ANKS1B: variants seen among roughly 807,000 people sequenced by gnomAD.
ANKS1B encodes the protein ankyrin repeat and sterile alpha motif domain containing 1B.
ANKS1B carries 36 observed loss-of-function variants against 148.3 expected under a neutral mutation model. The ratio of observed to expected loss-of-function variants is 0.24; its 90% CI spans 0.19 to 0.32. The LOEUF (loss-of-function observed/expected upper bound fraction) is 0.32, where lower values mean the gene tolerates loss of function less well. Among genes scored for constraint, ANKS1B ranks in the 10% least tolerant of loss-of-function variants. ANKS1B has a pLI of 1.00. For missense variants in ANKS1B, 1,157 were observed against 1,542.6 expected, an observed-to-expected ratio of 0.75 and a Z score of 4.19; for synonymous variants, 542 against 560.8, an observed-to-expected ratio of 0.97 and a Z score of 0.47.
intron 1 of ANKS1B, among the ~76,000 whole-genome samples, chr12:99,930,458 ACTT>A (rs1177266022): frequency 6.6e-6 from 1 of 152,116 alleles, no homozygotes; most frequent in African/African-American, 2.4e-5. Flanking sequence ...GGACAATTTG[ACTT>A]CTTCTTTTCC....
At chr12:99,425,326 T>C (rs1001783669) in intron 11 of ANKS1B, among the ~76,000 whole-genome samples, 1 of 152,014 alleles carries the variant, frequency 6.6e-6, no homozygotes, top group South Asian at 2.1e-4. Flanking sequence ...ATATTTTTAA[T>C]ATTCTATCTT....
chr12:99,155,335 AT>A (rs1566500687), intron 14 of ANKS1B, among the ~76,000 whole-genome samples: 3 of 152,064 alleles, frequency 2.0e-5, no homozygotes, highest in Non-Finnish European at 4.4e-5. Flanking sequence ...CGAGATATAT[AT>A]TTTTTTCTTT....
At chr12:99,209,421 TGA>T (rs2083073377) in intron 14 of ANKS1B, among the ~76,000 whole-genome samples, 1 of 152,190 alleles carries the variant, frequency 6.6e-6, no homozygotes, top group South Asian at 2.1e-4. Context: ...AACTATTTTT[TGA>T]GTTTTTACTA....
chr12:99,348,823 C>T (rs1476396622), intron 12 of ANKS1B, among the ~76,000 whole-genome samples: 1 of 151,888 alleles, frequency 6.6e-6, no homozygotes, highest in Non-Finnish European at 1.5e-5. Flanking sequence ...CAAAAACACA[C>T]TAGACAACAA....
At chr12:99,674,785 A>T (rs1321143014) in intron 8 of ANKS1B, among the ~76,000 whole-genome samples, 2 of 151,790 alleles carry the variant, frequency 1.3e-5, no homozygotes, top group African/African-American at 4.8e-5. Context: ...TCATTTCATT[A>T]AAAAAATTAA....
intron 14 of ANKS1B, chr12:99,154,789 T>C: frequency 2.1e-6 from 3 of 1,451,166 alleles, no homozygotes; most frequent in Non-Finnish European, 1.8e-6. Flanking sequence ...CAGAATTCTT[T>C]TTTATCAAGT....
chr12:99,388,473 G>A (rs2093955048), intron 12 of ANKS1B, among the ~76,000 whole-genome samples: 1 of 152,160 alleles, frequency 6.6e-6, no homozygotes, highest in East Asian at 1.9e-4. Flanking sequence ...GTATTGATGG[G>A]AGAGGCACCT....
At chr12:99,351,934 G>A (rs1402783917) in intron 12 of ANKS1B, 1 of 151,950 alleles carries the variant, frequency 6.6e-6, no homozygotes, top group African/African-American at 2.4e-5. Flanking sequence ...ACTATTTAAA[G>A]GAAAGTTTAA....
At chr12:98,810,890 CG>C (rs1313273174) in intron 19 of ANKS1B, among the ~76,000 whole-genome samples, 1 of 152,136 alleles carries the variant, frequency 6.6e-6, no homozygotes, top group Non-Finnish European at 1.5e-5. Context: ...TTAAAAAGCC[CG>C]GGGTGGATAA....
At chr12:99,796,107 T>C (rs1291232573) in intron 4 of ANKS1B, among the ~76,000 whole-genome samples, 1 of 151,926 alleles carries the variant, frequency 6.6e-6, no homozygotes, top group Non-Finnish European at 1.5e-5. Context: ...TTAAGTAAAA[T>C]ATGGGTGACT....
At chr12:99,476,168 G>C (rs752882655) in intron 10 of ANKS1B, among the ~76,000 whole-genome samples, 2 of 152,136 alleles carry the variant, frequency 1.3e-5, no homozygotes, top group Admixed American at 6.6e-5. Flanking sequence ...TGAGGCAAGC[G>C]GATTACTTGA....
At chr12:99,703,392 T>C (rs1195042423) in intron 8 of ANKS1B, among the ~76,000 whole-genome samples, 1 of 152,158 alleles carries the variant, frequency 6.6e-6, no homozygotes, top group Non-Finnish European at 1.5e-5. Flanking sequence ...TAAAAGAAAC[T>C]GAATTAACTA....
intron 1 of ANKS1B, among the ~76,000 whole-genome samples, chr12:99,974,862 G>A (rs894747770): frequency 5.3e-5 from 8 of 152,150 alleles, no homozygotes; most frequent in Admixed American, 4.6e-4. Flanking sequence ...GCCCACAAAT[G>A]TTCTTAATGG....
At chr12:99,032,657 G>A (rs60814570) in intron 17 of ANKS1B, among the ~76,000 whole-genome samples, 5,209 of 152,176 alleles carry the variant, frequency 0.034, 308 homozygotes, top group African/African-American at 0.12. Context: ...CAGGTTCTAC[G>A]TGGACATATC....
chr12:99,149,175 A>AT (rs1168953673), intron 15 of ANKS1B, among the ~76,000 whole-genome samples: 3 of 152,108 alleles, frequency 2.0e-5, no homozygotes, highest in African/African-American at 7.2e-5. Flanking sequence ...TTAAAAGGTC[A>AT]TTTTTTCAGG....
chr12:99,428,903 A>G (rs148615479), intron 11 of ANKS1B, among the ~76,000 whole-genome samples: 114 of 152,356 alleles, frequency 7.5e-4, no homozygotes, highest in African/African-American at 2.6e-3. Context: ...AGGAATGCTC[A>G]AAGAGTGATG....
chr12:99,504,646 AAAG>A lies in ANKS1B; in HGVS notation c.1273-8_1273-6del. 6.6e-7 allele frequency: 1 copy of A among 1,525,184 alleles called. No individual in the cohort carries two copies. Among genetic ancestry groups the A allele is most frequent in the Non-Finnish European group, 8.8e-7 (1 of 1,136,620 alleles). 94.5% of individuals were successfully genotyped at this position (1,525,184 alleles called of 1,614,324 possible). On this transcript the variant is annotated splice_region_variant and splice_polypyrimidine_tract_variant and intron_variant, in intron 9 of 26. Coordinates refer to ENST00000683438, the MANE Select transcript of ANKS1B (RefSeq NM_001352186.2). ...TCTCTTCTTTGGATAGGACTCCTGAAAAGAAGAAAAAATAAAAACAGCTTTGTG... is the reference window on the plus strand; with the variant it reads ...TCTCTTCTTTGGATAGGACTCCTGAAAAGAAAAAATAAAAACAGCTTTGTG...
At chr12:99,807,621 G>A (rs2067802470) in intron 3 of ANKS1B, among the ~76,000 whole-genome samples, 3 of 152,112 alleles carry the variant, frequency 2.0e-5, no homozygotes, top group Admixed American at 2.0e-4. Flanking sequence ...CTAACACTAT[G>A]TACTAGACAT....
At chr12:99,445,553 G>T (rs1430067365) in intron 10 of ANKS1B, among the ~76,000 whole-genome samples, 1 of 151,920 alleles carries the variant, frequency 6.6e-6, no homozygotes, top group African/African-American at 2.4e-5. Context: ...TATAACAAAG[G>T]TATCATTTTG....
Sources: gnomAD v4.1 joint callset for allele counts (sites outside exome capture counted in the v4.1 genomes callset) on GRCh38, gnomAD v4.1.1 for gene constraint, MANE v1.5 for transcripts, NCBI Gene and HGNC (gene_info 2026-07-23, HGNC 2026-07-21) for gene names.